CAMK2G: variants seen among roughly 807,000 people sequenced by gnomAD.
CAMK2G encodes calcium/calmodulin dependent protein kinase II gamma.
CAMK2G carries 23 observed loss-of-function variants against 88.7 expected under a neutral mutation model. The ratio of observed to expected loss-of-function variants is 0.26; its 90% CI spans 0.19 to 0.37. CAMK2G has a LOEUF of 0.37. Among genes scored for constraint, CAMK2G ranks in the 10% least tolerant of loss-of-function variants. CAMK2G has a pLI of 1.00. For missense variants in CAMK2G, 476 were observed against 780.8 expected (o/e 0.61, Z 4.65); for synonymous variants, 263 against 294.8 (o/e 0.89, Z 1.11).
chr10:73,871,124 T>C (rs2095813369), intron 2 of CAMK2G, among the ~76,000 whole-genome samples: 1 of 151,552 alleles, frequency 6.6e-6, no homozygotes, highest in South Asian at 2.1e-4. Flanking sequence ...GGAGTTGCTG[T>C]CTGAAGCATA....
chr10:73,873,129 G>A lies in CAMK2G; in HGVS notation c.66-46C>T, dbSNP rs189133961. Reference sequence around the variant, plus strand: ...GAACTGGGACACGGAGCAGGGCAGAGTGACACAGACACACTTCAAGTCTGG... The same window carrying A: ...GAACTGGGACACGGAGCAGGGCAGAATGACACAGACACACTTCAAGTCTGG... On this transcript the variant is annotated intron_variant, in intron 1 of 22. Coordinates refer to ENST00000423381, the MANE Select transcript of CAMK2G (RefSeq NM_001367534.1). 545 of 1,330,220 alleles carry A rather than the reference G, an allele frequency of 4.1e-4. 3 individuals carry two copies. The African/African-American group carries it at 7.1e-3, about 17-fold the overall frequency. 82.4% of individuals were successfully genotyped at this position (1,330,220 alleles called of 1,614,324 possible).
intron 14 of CAMK2G, among the ~76,000 whole-genome samples, chr10:73,829,285 T>C (rs2091911602): frequency 6.7e-6 from 1 of 149,960 alleles, no homozygotes; most frequent in Admixed American, 6.6e-5. Flanking sequence ...TTTATTTATT[T>C]ATTTATTTAT....
intron 14 of CAMK2G, among the ~76,000 whole-genome samples, chr10:73,829,032 A>C (rs1050763572): frequency 2.0e-5 from 3 of 152,216 alleles, no homozygotes; most frequent in Admixed American, 2.0e-4. Context: ...CTGTCGTTCA[A>C]CTTTTGCACA....
chr10:73,862,748 G>A (rs1366439631), intron 2 of CAMK2G, among the ~76,000 whole-genome samples: 1 of 152,206 alleles, frequency 6.6e-6, no homozygotes, highest in Non-Finnish European at 1.5e-5. Context: ...GCTTTGGAGG[G>A]GGTGCAAAAG....
chr10:73,860,313 G>C (rs1487903017), intron 3 of CAMK2G, among the ~76,000 whole-genome samples: 1 of 152,192 alleles, frequency 6.6e-6, no homozygotes, highest in Non-Finnish European at 1.5e-5. Flanking sequence ...AGTGGTTCCT[G>C]CCATCCCTTC....
At chr10:73,849,650 G>A (rs57046650) in intron 5 of CAMK2G, among the ~76,000 whole-genome samples, 184 of 152,310 alleles carry the variant, frequency 1.2e-3, no homozygotes, top group African/African-American at 4.4e-3. Flanking sequence ...CCAGAATCCT[G>A]AGGAAGAAGA....
chr10:73,817,372 T>A, intron 20 of CAMK2G, 107 bp downstream of exon 20: 1 of 895,608 alleles, frequency 1.1e-6, no homozygotes, highest in East Asian at 2.5e-5. Flanking sequence ...TCAGATACTT[T>A]GCCCAAGGTC....
intron 1 of CAMK2G, chr10:73,873,420 G>A (rs2095914797): frequency 8.5e-7 from 1 of 1,177,310 alleles, no homozygotes; most frequent in Non-Finnish European, 1.1e-6. Context: ...CTGCGGTCCC[G>A]GCCAAGAGAA....
chr10:73,819,744 T>A, intron 18 of CAMK2G, 99 bp from the exon 19 acceptor site: 1 of 733,624 alleles, frequency 1.4e-6, no homozygotes, highest in Non-Finnish European at 2.2e-6. Context: ...CCCGAGCCCA[T>A]GGCGCTGCAG....
chr10:73,825,454 C>T, intron 15 of CAMK2G, 107 bp from the exon 16 acceptor site: 1 of 803,920 alleles, frequency 1.2e-6, no homozygotes, highest in Non-Finnish European at 2.2e-6. Context: ...GGAGGTAGGC[C>T]TGAGGTGGCC....
intron 2 of CAMK2G, among the ~76,000 whole-genome samples, chr10:73,872,474 C>T (rs1265606701): frequency 6.6e-6 from 1 of 152,244 alleles, no homozygotes; most frequent in Admixed American, 6.5e-5. Context: ...GAGAAGCCCT[C>T]GCCAGTAGCA....
At chr10:73,819,422 C>A in intron 19 of CAMK2G, 110 bp downstream of exon 19, 1 of 776,810 alleles carries the variant, frequency 1.3e-6, no homozygotes, top group South Asian at 1.5e-5. Context: ...GCTCCCAGAG[C>A]TTACTACCAC....
rs201899806 is a variant in CAMK2G at position 73,832,969 on chromosome 10, T to C, written c.1053+4499A>G. On this transcript the variant is annotated intron_variant, in intron 14 of 22. Transcript: ENST00000423381. ...CCAATCTTTTTTTTCTTCTCTCTCT[T>C]TTTTTTTTTTTTTTAAACAGAGCCT... Among the ~76,000 whole-genome samples the C allele has an allele frequency of 3.6e-3, 511 of 141,978 alleles. 1 individual carries two copies. The highest frequency in any genetic ancestry group is 9.9e-3 in the African/African-American group (391 of 39,366). The allele number at this position is 141,978 out of a possible 152,430, so 93.1% of individuals were successfully genotyped here. A position where few individuals can be genotyped will look rare whatever the true frequency, so the allele number is the denominator to read the frequency against.
At chr10:73,849,435 G>T in intron 5 of CAMK2G, 102 bp from the exon 6 acceptor site, 1 of 752,168 alleles carries the variant, frequency 1.3e-6, no homozygotes, top group Non-Finnish European at 2.3e-6. Flanking sequence ...AAGGGGCCAC[G>T]GATTCACAGA....
chr10:73,818,724 G>A (rs1346628790), intron 19 of CAMK2G: 2 of 455,854 alleles, frequency 4.4e-6, no homozygotes, highest in Non-Finnish European at 8.8e-6. Context: ...GCTTCCAAAA[G>A]CAGCAGGCAG....
At chr10:73,861,573 C>T (rs2095375670) in intron 2 of CAMK2G, among the ~76,000 whole-genome samples, 1 of 152,174 alleles carries the variant, frequency 6.6e-6, no homozygotes, top group Admixed American at 6.5e-5. Context: ...CCAGGTTGGT[C>T]TCGAACTCCT....
At chr10:73,823,708 A>G (rs1305111456) in intron 17 of CAMK2G, among the ~76,000 whole-genome samples, 2 of 152,162 alleles carry the variant, frequency 1.3e-5, no homozygotes, top group Non-Finnish European at 2.9e-5. Flanking sequence ...CAGGGTCTGG[A>G]GATACTCTTG....
chr10:73,825,260 A>C lies in CAMK2G; in HGVS notation c.1155+19T>G, dbSNP rs1471490968. ...AGGCAGCCAGGGTCAGAGGCGGAGA[A>C]GCTGTAGTCAGGAGGTACCATGGCC... is the stretch of plus-strand genomic sequence containing the variant. On this transcript the variant is annotated intron_variant, in intron 16 of 22. Transcript: ENST00000423381. The C allele has an allele frequency of 6.3e-7, 1 of 1,588,240 alleles. No individual in the cohort carries two copies. Among genetic ancestry groups the C allele is most frequent in the African/African-American group, 1.3e-5 (1 of 74,436 alleles).
rs201010279 is a variant in CAMK2G, at chr10:73,819,654, C to CCAGGGCAGGG, written c.1250-19_1250-10dup. 102 of 1,521,458 alleles carry CCAGGGCAGGG rather than the reference C, an allele frequency of 6.7e-5. 1 individual carries two copies. Among genetic ancestry groups the CCAGGGCAGGG allele is most frequent in the East Asian group, 3.7e-4 (15 of 40,778 alleles). 94.2% of individuals were successfully genotyped at this position (1,521,458 alleles called of 1,614,324 possible). On this transcript the variant is annotated splice_polypyrimidine_tract_variant and intron_variant, in intron 18 of 22. Transcript: ENST00000423381. ...AGTGCGGAGCGGGGCAGCTAGCCAG[C>CCAGGGCAGGG]CAGGGCAGGGCAGGGCAGGGCAAGG...
Sources: gnomAD v4.1 joint callset for allele counts (sites outside exome capture counted in the v4.1 genomes callset) on GRCh38, gnomAD v4.1.1 for gene constraint, MANE v1.5 for transcripts, NCBI Gene and HGNC (gene_info 2026-07-23, HGNC 2026-07-21) for gene names.